Variants in PARP11 observed in about 807,000 individuals in gnomAD.
PARP11 encodes the protein poly(ADP-ribose) polymerase family member 11.
PARP11 carries 31 observed loss-of-function variants against 42.9 expected under a neutral mutation model. The ratio of observed to expected loss-of-function variants is 0.72; its 90% CI spans 0.54 to 0.98. The LOEUF is 0.98. Ranked by LOEUF, PARP11 falls within the 50% of genes least tolerant of loss-of-function variation. The probability of loss-of-function intolerance (pLI) is 0.00; values close to 1 mark genes in which losing one functional copy is unlikely to be tolerated. For synonymous variants in PARP11, 137 were observed against 127.3 expected (o/e 1.08, Z -0.51); for missense variants, 365 against 413.1 (o/e 0.88, Z 1.01).
intron 1 of PARP11, 55 bp downstream of exon 1, chr12:3,873,157 C>A: frequency 7.1e-7 from 1 of 1,408,498 alleles, no homozygotes; most frequent in Non-Finnish European, 9.8e-7. Context: ...CCCCTCCCGC[C>A]CCTCTCTCAT....
chr12:3,841,279 T>C, intron 1 of PARP11: 1 of 1,333,210 alleles, frequency 7.5e-7, no homozygotes, highest in South Asian at 1.2e-5. Flanking sequence ...TCGATTCTTC[T>C]TCAATCTTGG....
chr12:3,867,356 C>T (rs972446330), intron 1 of PARP11, among the ~76,000 whole-genome samples: 4 of 152,106 alleles, frequency 2.6e-5, no homozygotes, highest in Non-Finnish European at 5.9e-5. Context: ...ATTCTTCCCA[C>T]GCAAGTTTGC....
intron 1 of PARP11, chr12:3,841,544 C>T (rs1307215389): frequency 6.2e-7 from 1 of 1,601,916 alleles, no homozygotes; most frequent in Admixed American, 1.7e-5. Context: ...CCGACATTTT[C>T]TTCACCTCTG....
At chr12:3,831,449 C>A (rs754007714) in intron 1 of PARP11, among the ~76,000 whole-genome samples, 1 of 152,054 alleles carries the variant, frequency 6.6e-6, no homozygotes, top group Non-Finnish European at 1.5e-5. Context: ...GAAGCTGTAG[C>A]AACCTGGAAT....
At chr12:3,842,433 C>G in intron 1 of PARP11, 1 of 1,606,412 alleles carries the variant, frequency 6.2e-7, no homozygotes. Context: ...GTTATCAGTA[C>G]CATCGAAATG....
At chr12:3,842,340 G>A (rs1271342354) in intron 1 of PARP11, 1 of 1,610,762 alleles carries the variant, frequency 6.2e-7, no homozygotes, top group Non-Finnish European at 8.5e-7. Flanking sequence ...AAAGTGATTG[G>A]GGCTATTCTG....
At chr12:3,833,055 A>C (rs562822693) in intron 1 of PARP11, among the ~76,000 whole-genome samples, 7 of 152,360 alleles carry the variant, frequency 4.6e-5, no homozygotes, top group African/African-American at 1.7e-4. Flanking sequence ...CCTGGTCTAT[A>C]TAAGGAAAAT....
At chr12:3,845,975 A>G (rs16930856) in intron 1 of PARP11, among the ~76,000 whole-genome samples, 4 of 152,356 alleles carry the variant, frequency 2.6e-5, no homozygotes, top group South Asian at 4.1e-4. Context: ...ATGAAAAACG[A>G]TAATAGCCTT....
intron 1 of PARP11, among the ~76,000 whole-genome samples, chr12:3,838,050 A>T (rs1206723028): frequency 1.3e-5 from 2 of 149,498 alleles, no homozygotes; most frequent in African/African-American, 5.0e-5. Flanking sequence ...CAGAAAATCA[A>T]CAACAACAAC....
chr12:3,825,808 G>A (rs765262941), intron 4 of PARP11, among the ~76,000 whole-genome samples: 44 of 152,164 alleles, frequency 2.9e-4, no homozygotes, highest in Admixed American at 7.2e-4. Context: ...CTCACTTCAA[G>A]CTCCGCCTCA....
chr12:3,816,468 A>G (rs576650565), intron 6 of PARP11, among the ~76,000 whole-genome samples: 77 of 152,322 alleles, frequency 5.1e-4, no homozygotes, highest in African/African-American at 1.8e-3. Flanking sequence ...CCACCAGCAC[A>G]TATTTCTCCA....
In PARP11 at chr12:3,840,527, A is replaced by G. The variant is rs1171743601; in HGVS notation, c.19-10509T>C. On this transcript the variant is annotated intron_variant, in intron 1 of 7. Coordinates refer to ENST00000228820, the MANE Select transcript of PARP11 (RefSeq NM_020367.6). This position sits in a 1 kb window ranked among gnomAD's most constrained non-coding sequence, Gnocchi z 4.4. The stretch of plus-strand genomic sequence containing the variant: ...CAGAAATTCTCCAGTGAGCACAAAA[A>G]TCTTAGCCGGACACCTTCACAGATC... 3.7e-6 allele frequency: 6 copies of G among 1,611,154 alleles called. No homozygotes were observed. The highest frequency in any genetic ancestry group is 1.7e-4 in the Middle Eastern group (1 of 6,058).
Position 3,840,037 on chromosome 12 carries a change from A to C in PARP11, c.19-10019T>G. On this transcript the variant is annotated intron_variant, in intron 1 of 7. Coordinates refer to ENST00000228820, the MANE Select transcript of PARP11 (RefSeq NM_020367.6). The surrounding 1 kb of genome is among the most constrained non-coding windows in gnomAD (Gnocchi z 4.4). Reference sequence around the variant, plus strand: ...CTCTACTAGCCTGCCTTTGGCTAGAAAGGTTCTTAAGTCACTCAATCCTGC... The same window carrying C: ...CTCTACTAGCCTGCCTTTGGCTAGACAGGTTCTTAAGTCACTCAATCCTGC... 6.2e-7 allele frequency: 1 copy of C among 1,609,004 alleles called. No homozygotes were observed. Among genetic ancestry groups the C allele is most frequent in the Non-Finnish European group, 8.5e-7 (1 of 1,175,218 alleles).
intron 1 of PARP11, among the ~76,000 whole-genome samples, chr12:3,868,519 T>C (rs1046747855): frequency 1.3e-5 from 2 of 152,212 alleles, no homozygotes; most frequent in African/African-American, 4.8e-5. Context: ...CTTACCTCCC[T>C]AACCAACTGC....
intron 1 of PARP11, chr12:3,832,106 C>A: frequency 1.0e-6 from 1 of 969,476 alleles, no homozygotes; most frequent in Middle Eastern, 5.3e-4. Flanking sequence ...CGCTATAAAA[C>A]ACCTTACCTA....
intron 1 of PARP11, chr12:3,842,081 G>C (rs1289548336): frequency 1.3e-6 from 2 of 1,560,952 alleles, no homozygotes; most frequent in East Asian, 2.2e-5. Flanking sequence ...ATTCTAAACA[G>C]AGAGAGAGAG....
intron 4 of PARP11, among the ~76,000 whole-genome samples, chr12:3,822,615 AAATT>A (rs1271273952): frequency 6.6e-6 from 1 of 151,842 alleles, no homozygotes; most frequent in African/African-American, 2.4e-5. Context: ...AAAAAAAAAA[AAATT>A]ATTGACTGTC....
rs1486567827 is a variant in PARP11 at position 3,821,860 on chromosome 12, GA to G, written c.548+12del. ...AGTGGAAAGGAGAAGTTTCAGATTA[GA>G]AATCATCTCACCTGCAAAAGAACTC... is the stretch of plus-strand genomic sequence containing the variant. On this transcript the variant is annotated intron_variant, in intron 6 of 7. Coordinates refer to ENST00000228820, the MANE Select transcript of PARP11 (RefSeq NM_020367.6). The G allele has an allele frequency of 6.3e-7, 1 of 1,598,462 alleles. No homozygotes were observed. The highest frequency in any genetic ancestry group is 8.5e-7 in the Non-Finnish European group (1 of 1,176,132).
At position 3,824,631 on chromosome 12, in the gene PARP11, G is replaced by A. The variant is rs1303763236; in HGVS notation, c.344+1527C>T. On this transcript the variant is annotated intron_variant, in intron 4 of 7. Coordinates refer to ENST00000228820, the MANE Select transcript of PARP11 (RefSeq NM_020367.6). The stretch of plus-strand genomic sequence containing the variant: ...TATCTTGCTTATTGTCCTCCATTCT[G>A]CTTAGTTCTCTCCTTGTGCTGTCTT... 9 of 984,110 alleles carry A rather than the reference G, an allele frequency of 9.1e-6. No homozygotes were observed. In the Admixed American group the frequency reaches 2.5e-4, roughly 27 times the overall value. The allele number at this position is 984,110 out of a possible 1,614,324, so 61.0% of individuals were successfully genotyped here.
Sources: gnomAD v4.1 joint callset for allele counts (sites outside exome capture counted in the v4.1 genomes callset) on GRCh38, gnomAD v4.1.1 for gene constraint, Gnocchi (gnomAD v3.1) non-coding constraint, MANE v1.5 for transcripts, NCBI Gene and HGNC (gene_info 2026-07-23, HGNC 2026-07-21) for gene names.